Variants in OLFM3 observed in about 807,000 individuals in gnomAD.
The protein encoded by OLFM3 is olfactomedin 3.
In OLFM3, 20 loss-of-function variants were observed where a neutral mutation model predicts 48.6. The observed-to-expected ratio is 0.41, with a 90% confidence interval of 0.29 to 0.60. OLFM3 has a LOEUF of 0.60. Ranked by LOEUF, OLFM3 falls within the 20% of genes least tolerant of loss-of-function variation. OLFM3 has a pLI of 0.28. For synonymous variants in OLFM3, 222 were observed against 198.1 expected (o/e 1.12, Z -1.01); for missense variants, 437 against 544.3 (o/e 0.80, Z 1.96).
At chr1:101,940,985 C>A (rs973772220) in intron 1 of OLFM3, among the ~76,000 whole-genome samples, 1 of 152,032 alleles carries the variant, frequency 6.6e-6, no homozygotes, top group African/African-American at 2.4e-5. Flanking sequence ...CCCTGGGGAA[C>A]AATAGGCTGT....
chr1:101,975,172 A>G (rs1031312070), intron 1 of OLFM3, among the ~76,000 whole-genome samples: 10 of 152,208 alleles, frequency 6.6e-5, no homozygotes, highest in African/African-American at 2.2e-4. Flanking sequence ...TCTCCCAGGT[A>G]AACAATTGCT....
chr1:101,920,345 G>T (rs1031524480), intron 1 of OLFM3, among the ~76,000 whole-genome samples: 7 of 152,110 alleles, frequency 4.6e-5, no homozygotes, highest in African/African-American at 1.7e-4. Flanking sequence ...CAACTCACAG[G>T]TTTTCACATG....
Position 101,988,072 on chromosome 1 carries a change from G to T in OLFM3, c.69+8676C>A, listed in dbSNP as rs543281036. On this transcript the variant is annotated intron_variant, in intron 1 of 5. Coordinates refer to ENST00000370103, the MANE Select transcript of OLFM3 (RefSeq NM_058170.4). ...AGGCAATATGGCTTTTCTTTATATG[G>T]CACAGTACCATTATAAGTGTATATA... Among the ~76,000 whole-genome samples, 4 of 151,928 alleles carry T rather than the reference G, an allele frequency of 2.6e-5. No homozygotes were observed. The South Asian group carries it at 6.2e-4, about 24-fold the overall frequency.
At chr1:101,847,087 C>A (rs1349469433) in intron 1 of OLFM3, 14 of 1,402,836 alleles carry the variant, frequency 1.0e-5, no homozygotes, top group Middle Eastern at 2.6e-4. Flanking sequence ...AGATCAACTT[C>A]CCCAGCTCTA....
intron 1 of OLFM3, among the ~76,000 whole-genome samples, chr1:101,865,502 T>C (rs534721483): frequency 1.3e-5 from 2 of 152,330 alleles, no homozygotes; most frequent in East Asian, 3.9e-4. Flanking sequence ...CATATTCTGG[T>C]AGCTTCTCCA....
chr1:101,841,440 T>C (rs952323929), intron 1 of OLFM3, among the ~76,000 whole-genome samples: 1 of 152,238 alleles, frequency 6.6e-6, no homozygotes, highest in African/African-American at 2.4e-5. Context: ...TCATACTCTT[T>C]GGATAAATGT....
At chr1:101,866,527 G>A (rs541165980) in intron 1 of OLFM3, among the ~76,000 whole-genome samples, 1 of 151,978 alleles carries the variant, frequency 6.6e-6, no homozygotes, top group South Asian at 2.1e-4. Context: ...AAATGTCAAG[G>A]TATATTAGGA....
intron 1 of OLFM3, among the ~76,000 whole-genome samples, chr1:101,917,210 T>C (rs1658956024): frequency 6.6e-6 from 1 of 152,188 alleles, no homozygotes; most frequent in African/African-American, 2.4e-5. Flanking sequence ...TGTTCCTAAA[T>C]TGCAGTATCA....
chr1:101,957,209 A>G (rs2101078607), intron 1 of OLFM3, among the ~76,000 whole-genome samples: 1 of 152,066 alleles, frequency 6.6e-6, no homozygotes, highest in Non-Finnish European at 1.5e-5. Flanking sequence ...ATGATGAGAG[A>G]TACACTTTTT....
intron 3 of OLFM3, among the ~76,000 whole-genome samples, chr1:101,825,984 A>G (rs1332113465): frequency 6.6e-6 from 1 of 152,238 alleles, no homozygotes; most frequent in Non-Finnish European, 1.5e-5. Context: ...TTATCTTACC[A>G]TAGATAATTT....
chr1:101,824,643 A>AAACAAC (rs149607229), intron 4 of OLFM3, among the ~76,000 whole-genome samples: 199 of 150,530 alleles, frequency 1.3e-3, no homozygotes, highest in Middle Eastern at 6.8e-3. Flanking sequence ...CCCACTAACC[A>AAACAAC]AACAACAACA....
At chr1:101,831,843 C>T (rs528432453) in intron 2 of OLFM3, among the ~76,000 whole-genome samples, 1 of 152,172 alleles carries the variant, frequency 6.6e-6, no homozygotes, top group East Asian at 1.9e-4. Context: ...AGAAAGATTT[C>T]AATGAGAAAA....
rs58481588 is a variant in OLFM3, at chr1:101,990,989, T to TAAAAAA, written c.69+5753_69+5758dup. ...GACAGAGCGAGACTCTGTCAAAAAG[T>TAAAAAA]AAAAAAAAAAAAAAAAAAAAAAAAA... is the stretch of plus-strand genomic sequence containing the variant. On this transcript the variant is annotated intron_variant, in intron 1 of 5. Transcript: ENST00000370103. Among the ~76,000 whole-genome samples, 42 of 8,900 alleles carry TAAAAAA rather than the reference T, an allele frequency of 4.7e-3. 2 individuals carry two copies. Among genetic ancestry groups the TAAAAAA allele is most frequent in the East Asian group, 0.022 (6 of 276 alleles). 5.8% of individuals were successfully genotyped at this position (8,900 alleles called of 152,430 possible).
chr1:101,882,326 T>C (rs1657563966), intron 1 of OLFM3, among the ~76,000 whole-genome samples: 1 of 100,204 alleles, frequency 1.0e-5, no homozygotes, highest in Non-Finnish European at 2.3e-5. Flanking sequence ...CATATATATA[T>C]ATATAATATA....
At chr1:101,912,549 G>C (rs1203081421) in intron 1 of OLFM3, among the ~76,000 whole-genome samples, 1 of 152,194 alleles carries the variant, frequency 6.6e-6, no homozygotes, top group Non-Finnish European at 1.5e-5. Flanking sequence ...TGAAGAACAT[G>C]AGGTTTGAAC....
intron 1 of OLFM3, among the ~76,000 whole-genome samples, chr1:101,853,481 T>C (rs1014409819): frequency 6.6e-5 from 10 of 152,100 alleles, no homozygotes; most frequent in Non-Finnish European, 1.3e-4. Context: ...ATTATATTTA[T>C]ACATCTTGCT....
At chr1:101,981,671 A>G (rs1239413481) in intron 1 of OLFM3, among the ~76,000 whole-genome samples, 2 of 152,218 alleles carry the variant, frequency 1.3e-5, no homozygotes, top group Admixed American at 1.3e-4. Context: ...TACATGTTCA[A>G]AATCAAACTC....
chr1:101,977,993 T>C (rs1570684250), intron 1 of OLFM3, among the ~76,000 whole-genome samples: 1 of 152,238 alleles, frequency 6.6e-6, no homozygotes, highest in South Asian at 2.1e-4. Context: ...AGCATCAGGT[T>C]ATAGATTAGT....
At chr1:101,863,157 T>G (rs1175449185) in intron 1 of OLFM3, among the ~76,000 whole-genome samples, 15 of 152,174 alleles carry the variant, frequency 9.9e-5, no homozygotes, top group Admixed American at 9.8e-4. Flanking sequence ...ATACAGGGTT[T>G]CACCATGTGG....
Sources: gnomAD v4.1 joint callset for allele counts (sites outside exome capture counted in the v4.1 genomes callset) on GRCh38, gnomAD v4.1.1 for gene constraint, MANE v1.5 for transcripts, NCBI Gene and HGNC (gene_info 2026-07-23, HGNC 2026-07-21) for gene names.